TARS3: variants seen among roughly 807,000 people sequenced by gnomAD.
TARS3 encodes threonine--tRNA ligase 2, cytoplasmic.
A neutral mutation model predicts 103.5 loss-of-function variants in TARS3; 94 were observed. The observed-to-expected ratio is 0.91, with a 90% confidence interval of 0.77 to 1.08. The LOEUF is 1.08. Among genes scored for constraint, TARS3 ranks in the 50% least tolerant of loss-of-function variants. TARS3 has a pLI of 0.00. For synonymous variants in TARS3, 416 were observed against 355.4 expected (o/e 1.17, Z -1.92); for missense variants, 952 against 995.2 (o/e 0.96, Z 0.58).
At chr15:101,692,015 C>T (rs555015573) in intron 10 of TARS3, among the ~76,000 whole-genome samples, 10 of 152,308 alleles carry the variant, frequency 6.6e-5, no homozygotes, top group African/African-American at 1.9e-4. Flanking sequence ...TCACACAAGC[C>T]AATTCCTCAT....
At chr15:101,691,221 G>A (rs1452786281) in intron 10 of TARS3, among the ~76,000 whole-genome samples, 2 of 151,932 alleles carry the variant, frequency 1.3e-5, no homozygotes, top group Non-Finnish European at 2.9e-5. Context: ...TTACAGGCAT[G>A]AGCCACTGCG....
rs1225069735 is a variant in TARS3, at chr15:101,662,058, G to A, written c.1968-242C>T. Among the ~76,000 whole-genome samples the A allele has an allele frequency of 1.3e-5, 2 of 152,126 alleles. 1 individual carries two copies. The highest frequency in any genetic ancestry group is 4.8e-5 in the African/African-American group (2 of 41,414). On this transcript the variant is annotated intron_variant, in intron 15 of 18. Transcript: ENST00000335968. ...ACAAAAGTAGAGAGAAGAGTATAAT[G>A]AACTTCCACATACCCTCTCTCAGCT...
At chr15:101,702,459 G>C in intron 8 of TARS3, 74 bp from the exon 9 acceptor site, 1 of 1,294,048 alleles carries the variant, frequency 7.7e-7, no homozygotes, top group Non-Finnish European at 1.1e-6. Flanking sequence ...AAATACAAAT[G>C]CAATTTTCCA....
At chr15:101,691,574 C>A (rs941547032) in intron 10 of TARS3, among the ~76,000 whole-genome samples, 1 of 152,138 alleles carries the variant, frequency 6.6e-6, no homozygotes. Context: ...GTCACTATGC[C>A]CAGCCTTTTA....
intron 3 of TARS3, among the ~76,000 whole-genome samples, chr15:101,717,696 C>T (rs940610536): frequency 4.6e-5 from 7 of 152,230 alleles, no homozygotes; most frequent in Non-Finnish European, 7.3e-5. Flanking sequence ...TTGTACCAGA[C>T]AAATCAGCAA....
chr15:101,667,005 C>T (rs1004301549), intron 15 of TARS3, among the ~76,000 whole-genome samples: 1 of 152,178 alleles, frequency 6.6e-6, no homozygotes, highest in Admixed American at 6.5e-5. Flanking sequence ...GATCCATGGG[C>T]TGCAGAATGG....
intron 18 of TARS3, chr15:101,655,860 G>C (rs1005394979): frequency 7.8e-7 from 1 of 1,279,696 alleles, no homozygotes. Flanking sequence ...GACTCCACCT[G>C]GCATACCTGA....
At chr15:101,673,843 T>C (rs1037091500) in intron 13 of TARS3, among the ~76,000 whole-genome samples, 2 of 152,178 alleles carry the variant, frequency 1.3e-5, no homozygotes, top group Non-Finnish European at 2.9e-5. Flanking sequence ...TCTGCTCGGC[T>C]TCTGCACCTA....
At chr15:101,657,680 T>C in intron 17 of TARS3, 105 bp downstream of exon 17, 4 of 675,198 alleles carry the variant, frequency 5.9e-6, no homozygotes, top group Non-Finnish European at 9.7e-6. Flanking sequence ...TTTAAGCTAA[T>C]GTGTCAGTTC....
At chr15:101,718,186 T>C (rs1408362626) in intron 3 of TARS3, among the ~76,000 whole-genome samples, 2 of 152,058 alleles carry the variant, frequency 1.3e-5, no homozygotes, top group East Asian at 1.9e-4. Context: ...CTGACTAACA[T>C]GGAGAAACGC....
chr15:101,721,790 C>G (rs770830043), intron 2 of TARS3, among the ~76,000 whole-genome samples: 2 of 152,170 alleles, frequency 1.3e-5, no homozygotes, highest in Non-Finnish European at 2.9e-5. Context: ...TCACCGTATC[C>G]AGCCGCAATT....
chr15:101,658,386 T>G (rs1361541474), intron 16 of TARS3, among the ~76,000 whole-genome samples: 1 of 150,646 alleles, frequency 6.6e-6, no homozygotes, highest in Non-Finnish European at 1.5e-5. Context: ...TTAAGGGAAT[T>G]CCACTGAGTG....
chr15:101,684,388 A>C, intron 11 of TARS3, 151 bp from the exon 12 acceptor site: 1 of 682,690 alleles, frequency 1.5e-6, no homozygotes, highest in Non-Finnish European at 2.3e-6. Context: ...ATTCTTCCAC[A>C]AATTAGTGAA....
At chr15:101,715,023 A>T in intron 3 of TARS3, 60 bp from the exon 4 acceptor site, 1 of 1,483,014 alleles carries the variant, frequency 6.7e-7, no homozygotes, top group South Asian at 1.4e-5. Flanking sequence ...ATTCCTTAAA[A>T]TATTAAAAGA....
At chr15:101,693,605 A>G (rs1898832910) in intron 10 of TARS3, among the ~76,000 whole-genome samples, 1 of 152,180 alleles carries the variant, frequency 6.6e-6, no homozygotes, top group Admixed American at 6.5e-5. Flanking sequence ...CTGTACATGA[A>G]TGACAATAGC....
In TARS3 at chr15:101,690,696, CCTT is replaced by C. The variant is rs1387933871; in HGVS notation, c.1321-4637_1321-4635del. On this transcript the variant is annotated intron_variant, in intron 10 of 18. Transcript: ENST00000335968. ...GTGGACATGTCACAAAGTATTTAAT[CCTT>C]CTACTATTGAGAAACATTAGACTTT... is the stretch of plus-strand genomic sequence containing the variant. Among the ~76,000 whole-genome samples the C allele has an allele frequency of 2.0e-5, 3 of 152,302 alleles. No homozygotes were observed. The East Asian group carries it at 5.8e-4, about 29-fold the overall frequency.
chr15:101,662,395 C>T (rs140438043), intron 15 of TARS3, among the ~76,000 whole-genome samples: 7 of 152,220 alleles, frequency 4.6e-5, no homozygotes, highest in South Asian at 4.1e-4. Context: ...ATGTGACATG[C>T]GACACTTACA....
At chr15:101,685,708 C>T (rs1308191306) in intron 11 of TARS3, among the ~76,000 whole-genome samples, 188 bp downstream of exon 11, 26 of 152,178 alleles carry the variant, frequency 1.7e-4, no homozygotes. Context: ...ACATCCCATA[C>T]CTGCCAAAGA....
intron 15 of TARS3, among the ~76,000 whole-genome samples, chr15:101,670,986 A>G (rs928605588): frequency 6.6e-6 from 1 of 152,178 alleles, no homozygotes; most frequent in African/African-American, 2.4e-5. Context: ...GGTTAGGAGT[A>G]GGAGGAGTGT....
Sources: gnomAD v4.1 joint callset for allele counts (sites outside exome capture counted in the v4.1 genomes callset) on GRCh38, gnomAD v4.1.1 for gene constraint, MANE v1.5 for transcripts, NCBI Gene and HGNC (gene_info 2026-07-23, HGNC 2026-07-21) for gene names.